PVT1: variants seen among roughly 807,000 people sequenced by gnomAD.
PVT1 encodes CXCR4/PVT1 fusion.
chr8:127,818,681 C>A (rs1342334416), intron 2 of PVT1, among the ~76,000 whole-genome samples: 2 of 152,142 alleles, frequency 1.3e-5, no homozygotes, highest in Non-Finnish European at 2.9e-5. Context: ...TTGAATTCCC[C>A]CTCTGCCGCT....
At chr8:127,820,494 A>C (rs935058260) in intron 2 of PVT1, among the ~76,000 whole-genome samples, 2 of 152,190 alleles carry the variant, frequency 1.3e-5, no homozygotes, top group Non-Finnish European at 2.9e-5. Context: ...TGGTTCATTA[A>C]ATTTCAACAA....
chr8:127,910,136 T>C (rs1296240589), intron 3 of PVT1, among the ~76,000 whole-genome samples: 1 of 152,092 alleles, frequency 6.6e-6, no homozygotes, highest in Non-Finnish European at 1.5e-5. Flanking sequence ...GTACATGTGC[T>C]GGAAGAGCAA....
intron 2 of PVT1, among the ~76,000 whole-genome samples, chr8:127,840,600 G>GGA (rs1814962372): frequency 6.6e-6 from 1 of 152,250 alleles, no homozygotes; most frequent in Non-Finnish European, 1.5e-5. Flanking sequence ...CCAAAAGGGA[G>GGA]GAGACCTGTG....
intron 3 of PVT1, among the ~76,000 whole-genome samples, chr8:127,983,433 C>T (rs1405630659): frequency 3.3e-5 from 5 of 152,138 alleles, no homozygotes; most frequent in Non-Finnish European, 5.9e-5. Flanking sequence ...ATACTCCAGG[C>T]TCTTCAGGGT....
chr8:127,917,720 C>A lies in PVT1; in HGVS notation n.782+26722C>A, dbSNP rs7388628. ...CAGCAGTGGCTTGGCCGCCCCAACG[C>A]GCCTACAGCCCGCTCTGGGGACAGC... On this transcript the variant is annotated intron_variant and non_coding_transcript_variant, in intron 3 of 10. Transcript: ENST00000651587. Among the ~76,000 whole-genome samples the A allele has an allele frequency of 4.6e-5, 7 of 152,392 alleles. No individual in the cohort carries two copies. The East Asian group carries it at 1.4e-3, about 29-fold the overall frequency.
At chr8:127,934,182 G>C (rs990081285) in intron 3 of PVT1, among the ~76,000 whole-genome samples, 18 of 152,220 alleles carry the variant, frequency 1.2e-4, no homozygotes, top group African/African-American at 4.3e-4. Flanking sequence ...TTCAGTAGTT[G>C]GTTGGGCATT....
At chr8:127,943,052 G>A (rs539320197) in intron 3 of PVT1, among the ~76,000 whole-genome samples, 1 of 152,296 alleles carries the variant, frequency 6.6e-6, no homozygotes, top group South Asian at 2.1e-4. Flanking sequence ...CTGAGGTCCT[G>A]AAAGAAGAGA....
At chr8:127,895,110 A>C (rs915265382) in intron 3 of PVT1, among the ~76,000 whole-genome samples, 2 of 152,220 alleles carry the variant, frequency 1.3e-5, no homozygotes, top group African/African-American at 4.8e-5. Flanking sequence ...GAAATAGTAA[A>C]TATTTCCACT....
intron 2 of PVT1, among the ~76,000 whole-genome samples, chr8:127,886,631 T>G (rs1815527269): frequency 6.6e-6 from 1 of 151,366 alleles, no homozygotes; most frequent in Non-Finnish European, 1.5e-5. Flanking sequence ...ATTTTTTTTT[T>G]AATTGTAGAA....
At chr8:127,892,653 C>CA (rs919349645) in intron 3 of PVT1, among the ~76,000 whole-genome samples, 1 of 152,154 alleles carries the variant, frequency 6.6e-6, no homozygotes, top group African/African-American at 2.4e-5. Flanking sequence ...AACAAGGCCC[C>CA]TTCAGCTGAA....
intron 4 of PVT1, among the ~76,000 whole-genome samples, chr8:128,068,677 G>C (rs1334821474): frequency 2.6e-5 from 4 of 152,100 alleles, no homozygotes; most frequent in Admixed American, 6.6e-5. Context: ...TGTATTTTTA[G>C]TAGAAACGGT....
At chr8:127,977,039 C>T (rs1164995543) in intron 3 of PVT1, among the ~76,000 whole-genome samples, 3 of 152,304 alleles carry the variant, frequency 2.0e-5, no homozygotes, top group East Asian at 1.9e-4. Flanking sequence ...TAGAATACTT[C>T]GTACCACTTA....
chr8:127,900,364 T>A (rs1215159377), intron 3 of PVT1, among the ~76,000 whole-genome samples: 12 of 149,358 alleles, frequency 8.0e-5, no homozygotes, highest in African/African-American at 3.1e-4. Flanking sequence ...TTAAAGAAAT[T>A]TAAAAAAAAA....
At chr8:127,810,408 C>T (rs1378907386) in intron 2 of PVT1, among the ~76,000 whole-genome samples, 1 of 152,222 alleles carries the variant, frequency 6.6e-6, no homozygotes. Flanking sequence ...TAATGGCTTC[C>T]CATTATTAGC....
At chr8:127,858,916 T>G (rs1340125200) in intron 2 of PVT1, among the ~76,000 whole-genome samples, 2 of 149,124 alleles carry the variant, frequency 1.3e-5, no homozygotes, top group Non-Finnish European at 3.0e-5. Context: ...CAAATGATTC[T>G]CCTGCCTCAG....
At chr8:127,828,592 G>T (rs1814816530) in intron 2 of PVT1, among the ~76,000 whole-genome samples, 1 of 152,090 alleles carries the variant, frequency 6.6e-6, no homozygotes, top group African/African-American at 2.4e-5. Context: ...ACCTCTTCAC[G>T]GTGGTTTTGG....
rs1249629623 is a variant in PVT1, at chr8:127,970,294, T to TTTTTG, written n.783-18864_783-18863insGTTTT. Among the ~76,000 whole-genome samples, 5 of 115,710 alleles carry TTTTTG rather than the reference T, an allele frequency of 4.3e-5. 1 individual carries two copies. The highest frequency in any genetic ancestry group is 7.3e-5 in the Non-Finnish European group (4 of 55,138). 75.9% of individuals were successfully genotyped at this position (115,710 alleles called of 152,430 possible). A position where few individuals can be genotyped will look rare whatever the true frequency, so the allele number is the denominator to read the frequency against. ...CTCTCCATCTGCCATGATTTGTTTT[T>TTTTTG]TTTTTTTTTTTTTTTTTTTTTGAGA... On this transcript the variant is annotated intron_variant and non_coding_transcript_variant, in intron 3 of 10. Coordinates refer to ENST00000651587, the Ensembl canonical transcript of PVT1.
At chr8:127,982,835 G>C (rs1816899948) in intron 3 of PVT1, among the ~76,000 whole-genome samples, 1 of 152,092 alleles carries the variant, frequency 6.6e-6, no homozygotes, top group South Asian at 2.1e-4. Context: ...CTCCTCCCTG[G>C]GACACAGTTG....
intron 5 of PVT1, among the ~76,000 whole-genome samples, chr8:128,091,623 A>G (rs1387488204): frequency 2.0e-5 from 3 of 152,232 alleles, no homozygotes; most frequent in African/African-American, 7.2e-5. Flanking sequence ...CGGTAAGGTG[A>G]CAAAGAAAAC....
Sources: gnomAD v4.1 joint callset for allele counts (sites outside exome capture counted in the v4.1 genomes callset) on GRCh38, gnomAD v4.1.1 for gene constraint, MANE v1.5 for transcripts, NCBI Gene and HGNC (gene_info 2026-07-23, HGNC 2026-07-21) for gene names.